Variants in MAGI3 observed in about 807,000 individuals in gnomAD.
MAGI3 encodes membrane associated guanylate kinase, WW and PDZ domain containing 3.
Under a neutral mutation model 121.8 loss-of-function variants are expected in MAGI3, and 43 were observed. That is an observed-to-expected ratio of 0.35 (90% confidence interval 0.28 to 0.46). The LOEUF (loss-of-function observed/expected upper bound fraction) is 0.46, where lower values mean the gene tolerates loss of function less well. Among genes scored for constraint, MAGI3 ranks in the 20% least tolerant of loss-of-function variants. The pLI, the probability that MAGI3 is intolerant of heterozygous loss-of-function variation, is 1.00. For missense variants in MAGI3, 1,547 were observed against 1,797.3 expected (o/e 0.86, Z 2.52); for synonymous variants, 553 against 639.3 (o/e 0.86, Z 2.04).
At chr1:113,520,568 T>A (rs11102645) in intron 1 of MAGI3, among the ~76,000 whole-genome samples, 27,352 of 151,972 alleles carry the variant, frequency 0.18, 3,240 homozygotes, top group East Asian at 0.63. Context: ...GGCTTTTTTT[T>A]AAAAAAAATT....
intron 19 of MAGI3, among the ~76,000 whole-genome samples, chr1:113,678,557 TTAGTC>T (rs1362303027): frequency 1.3e-5 from 2 of 152,212 alleles, no homozygotes; most frequent in African/African-American, 2.4e-5. Context: ...AATAAGACCT[TTAGTC>T]TATTTCATAG....
At chr1:113,540,766 T>C (rs1175366323) in intron 1 of MAGI3, among the ~76,000 whole-genome samples, 1 of 152,216 alleles carries the variant, frequency 6.6e-6, no homozygotes, top group African/African-American at 2.4e-5. Context: ...AGAGAAATGA[T>C]TGTTATTTGT....
chr1:113,572,420 G>T (rs1457949401), intron 2 of MAGI3, among the ~76,000 whole-genome samples: 6 of 152,096 alleles, frequency 3.9e-5, no homozygotes, highest in Admixed American at 3.9e-4. Context: ...AATGAGTTAG[G>T]GAGGAGTCCC....
At chr1:113,586,395 A>G (rs573199521) in intron 4 of MAGI3, among the ~76,000 whole-genome samples, 1 of 152,146 alleles carries the variant, frequency 6.6e-6, no homozygotes, top group African/African-American at 2.4e-5. Context: ...TTTCCTTATC[A>G]TTTTCCCAAA....
At chr1:113,582,192 A>G (rs1478719549) in intron 3 of MAGI3, among the ~76,000 whole-genome samples, 1 of 152,154 alleles carries the variant, frequency 6.6e-6, no homozygotes, top group Non-Finnish European at 1.5e-5. Context: ...GCAAGACTAT[A>G]AAATGGTATA....
intron 1 of MAGI3, among the ~76,000 whole-genome samples, chr1:113,540,410 C>A (rs1659233388): frequency 6.6e-6 from 1 of 152,180 alleles, no homozygotes; most frequent in Non-Finnish European, 1.5e-5. Context: ...AAAAGATGAC[C>A]TTCTTAGTGT....
intron 1 of MAGI3, among the ~76,000 whole-genome samples, chr1:113,428,582 T>C (rs1653141172): frequency 6.6e-6 from 1 of 152,210 alleles, no homozygotes; most frequent in South Asian, 2.1e-4. Context: ...CTAATGACCA[T>C]ATCTTAAAAA....
chr1:113,416,336 A>T, intron 1 of MAGI3, among the ~76,000 whole-genome samples: 2 of 128,204 alleles, frequency 1.6e-5, no homozygotes, highest in East Asian at 2.2e-4. Flanking sequence ...TTATATATCA[A>T]TCATATATTA....
chr1:113,602,943 A>C (rs1052706888), intron 6 of MAGI3, among the ~76,000 whole-genome samples: 1 of 151,714 alleles, frequency 6.6e-6, no homozygotes, highest in Non-Finnish European at 1.5e-5. Context: ...AAAAAAAATC[A>C]AAGTGTGTGT....
At chr1:113,485,310 C>G (rs549248452) in intron 1 of MAGI3, among the ~76,000 whole-genome samples, 1 of 152,286 alleles carries the variant, frequency 6.6e-6, no homozygotes, top group South Asian at 2.1e-4. Flanking sequence ...TGTATCCATG[C>G]CAACATCTAT....
At position 113,422,616 on chromosome 1, in the gene MAGI3, C is replaced by T. The variant is rs1652781381; in HGVS notation, c.316+31267C>T. Among the ~76,000 whole-genome samples, 1 of 152,222 alleles carries T rather than the reference C, an allele frequency of 6.6e-6. No individual in the cohort carries two copies. Among genetic ancestry groups the T allele is most frequent in the South Asian group, 2.1e-4 (1 of 4,838 alleles). ...CTCCCGGCGCTGGCACAGGCGCCTG[C>T]TCCGTGCAAGGGTGCATCTATACCA... On this transcript the variant is annotated intron_variant, in intron 1 of 20. Coordinates refer to ENST00000307546, the MANE Select transcript of MAGI3 (RefSeq NM_001142782.2). The surrounding 1 kb of genome is among the most constrained non-coding windows in gnomAD (Gnocchi z 4.3).
intron 1 of MAGI3, among the ~76,000 whole-genome samples, chr1:113,467,303 A>G (rs1314485961): frequency 1.3e-5 from 2 of 152,150 alleles, no homozygotes; most frequent in Non-Finnish European, 2.9e-5. Context: ...GTGGTCAGAA[A>G]AGATACTTGA....
At chr1:113,393,487 ATC>A (rs1650933945) in intron 1 of MAGI3, among the ~76,000 whole-genome samples, 1 of 152,158 alleles carries the variant, frequency 6.6e-6, no homozygotes, top group African/African-American at 2.4e-5. Flanking sequence ...AAAATTTTTA[ATC>A]TCTTTTAAAA....
Position 113,513,426 on chromosome 1 carries a change from A to G in MAGI3, c.317-36089A>G, listed in dbSNP as rs185263341. Among the ~76,000 whole-genome samples the G allele has an allele frequency of 2.6e-3, 396 of 152,206 alleles. 2 individuals are homozygous for G. Among genetic ancestry groups the G allele is most frequent in the African/African-American group, 8.1e-3 (336 of 41,548 alleles). On this transcript the variant is annotated intron_variant, in intron 1 of 20. Coordinates refer to ENST00000307546, the MANE Select transcript of MAGI3 (RefSeq NM_001142782.2). Reference sequence around the variant, plus strand: ...ACAGCATGGTACTGGTACCAAAACAAAGATATAGATCAATGGAACAGAACA... The same window carrying G: ...ACAGCATGGTACTGGTACCAAAACAGAGATATAGATCAATGGAACAGAACA...
chr1:113,636,646 A>C (rs954047337), intron 9 of MAGI3, among the ~76,000 whole-genome samples: 10 of 152,084 alleles, frequency 6.6e-5, no homozygotes, highest in African/African-American at 2.4e-4. Context: ...CTTTACTTCC[A>C]ACTATGTGGT....
chr1:113,575,405 TA>T (rs1647563445), intron 2 of MAGI3, among the ~76,000 whole-genome samples: 1 of 152,230 alleles, frequency 6.6e-6, no homozygotes, highest in Non-Finnish European at 1.5e-5. Flanking sequence ...ATGTTCATGT[TA>T]TTGCTTTCTG....
chr1:113,639,977 G>A (rs1281051519), intron 9 of MAGI3, among the ~76,000 whole-genome samples: 2 of 152,190 alleles, frequency 1.3e-5, no homozygotes, highest in Admixed American at 1.3e-4. Flanking sequence ...GCTGCGCCTG[G>A]CCTGAGCCAC....
intron 9 of MAGI3, among the ~76,000 whole-genome samples, chr1:113,623,496 A>ATTT (rs56058691): frequency 6.6e-5 from 3 of 45,470 alleles, no homozygotes; most frequent in South Asian, 9.3e-4. Flanking sequence ...ACATATATAT[A>ATTT]TTTTTTTTTG....
intron 18 of MAGI3, among the ~76,000 whole-genome samples, chr1:113,673,069 T>C (rs985020298): frequency 6.6e-6 from 1 of 152,216 alleles, no homozygotes. Context: ...GGAAGCACTT[T>C]CCAAAATTCT....
Sources: gnomAD v4.1 joint callset for allele counts (sites outside exome capture counted in the v4.1 genomes callset) on GRCh38, gnomAD v4.1.1 for gene constraint, Gnocchi (gnomAD v3.1) non-coding constraint, MANE v1.5 for transcripts, NCBI Gene and HGNC (gene_info 2026-07-23, HGNC 2026-07-21) for gene names.